Variants in GALNT17 observed in about 807,000 individuals in gnomAD.
GALNT17 encodes UDP-GalNAc:polypeptide N-acetylgalactosaminyltransferase-like 3.
A neutral mutation model predicts 63.7 loss-of-function variants in GALNT17; 29 were observed. The ratio of observed to expected loss-of-function variants is 0.46; its 90% CI spans 0.34 to 0.62. GALNT17 has a LOEUF of 0.62. Among genes scored for constraint, GALNT17 ranks in the 20% least tolerant of loss-of-function variants. The probability of loss-of-function intolerance (pLI) is 0.01; values close to 1 mark genes in which losing one functional copy is unlikely to be tolerated. For synonymous variants in GALNT17, 305 were observed against 318.3 expected (o/e 0.96, Z 0.45); for missense variants, 603 against 799.6 (o/e 0.75, Z 2.97).
intron 4 of GALNT17, among the ~76,000 whole-genome samples, chr7:71,416,551 G>T (rs780078563): frequency 3.2e-4 from 48 of 152,048 alleles, no homozygotes; most frequent in Non-Finnish European, 5.9e-4. Flanking sequence ...TGCCAAGGTT[G>T]CAGTGAGCCT....
intron 1 of GALNT17, among the ~76,000 whole-genome samples, chr7:71,153,868 A>G (rs572662682): frequency 6.6e-6 from 1 of 152,290 alleles, no homozygotes; most frequent in South Asian, 2.1e-4. Context: ...AGATGGTGCC[A>G]CTGCATTCCA....
chr7:71,202,396 A>T (rs927837192), intron 1 of GALNT17, among the ~76,000 whole-genome samples: 2 of 152,186 alleles, frequency 1.3e-5, no homozygotes, highest in Non-Finnish European at 2.9e-5. Context: ...TGAAGTCTGC[A>T]TTGTTTTAAT....
chr7:71,629,051 A>G (rs755995724), intron 6 of GALNT17, among the ~76,000 whole-genome samples: 6 of 152,212 alleles, frequency 3.9e-5, no homozygotes, highest in Non-Finnish European at 8.8e-5. Context: ...CTGAGGGTAG[A>G]GAAGCAGGGC....
chr7:71,408,987 T>TAC (rs1351402429), intron 3 of GALNT17, among the ~76,000 whole-genome samples: 76 of 148,660 alleles, frequency 5.1e-4, no homozygotes, highest in Middle Eastern at 3.6e-3. Context: ...TACATATATA[T>TAC]ACACACATAC....
chr7:71,196,108 C>T (rs1392559244), intron 1 of GALNT17, among the ~76,000 whole-genome samples: 1 of 152,038 alleles, frequency 6.6e-6, no homozygotes, highest in African/African-American at 2.4e-5. Context: ...TGTTCCCTCT[C>T]TTGCTGCTTT....
At chr7:71,388,174 C>A in intron 2 of GALNT17, 61 bp from the exon 3 acceptor site, 1 of 1,549,176 alleles carries the variant, frequency 6.5e-7, no homozygotes, top group Non-Finnish European at 8.8e-7. Context: ...CTATGTCCAG[C>A]TGCAGTGCCT....
At chr7:71,432,681 A>G (rs1470227361) in intron 5 of GALNT17, among the ~76,000 whole-genome samples, 1 of 152,108 alleles carries the variant, frequency 6.6e-6, no homozygotes, top group African/African-American at 2.4e-5. Flanking sequence ...AAAACAGAAG[A>G]AAGAGGTTGA....
intron 2 of GALNT17, among the ~76,000 whole-genome samples, chr7:71,351,584 A>C (rs1792189641): frequency 6.6e-6 from 1 of 152,086 alleles, no homozygotes; most frequent in African/African-American, 2.4e-5. Flanking sequence ...AAGTGAAGAC[A>C]GGCAGAGATT....
chr7:71,181,018 G>A (rs1425066846), intron 1 of GALNT17, among the ~76,000 whole-genome samples: 1 of 152,142 alleles, frequency 6.6e-6, no homozygotes, highest in African/African-American at 2.4e-5. Flanking sequence ...ACTTTGGGAG[G>A]CCGAGGCAGG....
At position 71,338,395 on chromosome 7, in the gene GALNT17, G is replaced by A. The variant is rs563614781; in HGVS notation, c.422+2662G>A. ...TATAAATTAGCCAGGTGTGGTGGTG[G>A]TGCATGCCTATATAGTCCCAGCTAC... On this transcript the variant is annotated intron_variant, in intron 2 of 10. Coordinates refer to ENST00000333538, the MANE Select transcript of GALNT17 (RefSeq NM_022479.3). Among the ~76,000 whole-genome samples, 111 of 151,554 alleles carry A rather than the reference G, an allele frequency of 7.3e-4. No individual in the cohort carries two copies. In the Middle Eastern group the frequency reaches 0.01, roughly 14 times the overall value.
intron 5 of GALNT17, among the ~76,000 whole-genome samples, chr7:71,467,190 T>C (rs1337822008): frequency 6.6e-6 from 1 of 152,222 alleles, no homozygotes; most frequent in Non-Finnish European, 1.5e-5. Context: ...TTTCAAGTTA[T>C]GCCTGGGAAC....
intron 8 of GALNT17, among the ~76,000 whole-genome samples, chr7:71,672,232 C>G (rs1416691810): frequency 6.6e-6 from 1 of 152,114 alleles, no homozygotes; most frequent in Non-Finnish European, 1.5e-5. Context: ...AATTGCCTAG[C>G]TTTTTGGAAA....
At chr7:71,402,648 G>A (rs1426980944) in intron 3 of GALNT17, among the ~76,000 whole-genome samples, 1 of 149,826 alleles carries the variant, frequency 6.7e-6, no homozygotes, top group East Asian at 1.9e-4. Flanking sequence ...TCAACATCTT[G>A]TCTCGGTTGG....
chr7:71,663,772 G>T (rs936331103), intron 6 of GALNT17, among the ~76,000 whole-genome samples: 4 of 152,188 alleles, frequency 2.6e-5, no homozygotes, highest in Non-Finnish European at 2.9e-5. Flanking sequence ...CAAGAAGGGG[G>T]TATGTAGACA....
rs767953809 is a variant in GALNT17 at position 71,669,956 on chromosome 7, TTCTC to T, written c.1267-11_1267-8del. 57 of 1,613,792 alleles carry T rather than the reference TTCTC, an allele frequency of 3.5e-5. No individual in the cohort carries two copies. Among genetic ancestry groups the T allele is most frequent in the Non-Finnish European group, 4.4e-5 (52 of 1,179,902 alleles). On this transcript the variant is annotated splice_polypyrimidine_tract_variant and intron_variant, in intron 7 of 10. Coordinates refer to ENST00000333538, the MANE Select transcript of GALNT17 (RefSeq NM_022479.3). The stretch of plus-strand genomic sequence containing the variant: ...TCCACAGTCACTAACACCCCTTGGC[TTCTC>T]TCTCCTTTCAGAATCCGGGAATTGA...
intron 2 of GALNT17, among the ~76,000 whole-genome samples, chr7:71,352,224 G>A (rs759849973): frequency 5.3e-5 from 8 of 152,110 alleles, no homozygotes; most frequent in East Asian, 3.9e-4. Context: ...CTCTCTTGCC[G>A]CTGCCATGTA....
At chr7:71,259,194 A>C (rs6962909) in intron 1 of GALNT17, among the ~76,000 whole-genome samples, 2 of 152,108 alleles carry the variant, frequency 1.3e-5, no homozygotes, top group African/African-American at 2.4e-5. Context: ...AGAGAATTCC[A>C]TACCCAGAAA....
At chr7:71,306,371 G>A (rs974962707) in intron 1 of GALNT17, among the ~76,000 whole-genome samples, 5 of 152,048 alleles carry the variant, frequency 3.3e-5, no homozygotes, top group Non-Finnish European at 7.4e-5. Flanking sequence ...CTGAAGCTCT[G>A]TACCCATTAA....
intron 1 of GALNT17, among the ~76,000 whole-genome samples, chr7:71,278,914 TTTCTTCTTC>T (rs533274811): frequency 6.6e-6 from 1 of 151,060 alleles, no homozygotes; most frequent in South Asian, 2.1e-4. Context: ...TTTTCCTCTT[TTTCTTCTTC>T]TTCTTCTTTT....
Sources: gnomAD v4.1 joint callset for allele counts (sites outside exome capture counted in the v4.1 genomes callset) on GRCh38, gnomAD v4.1.1 for gene constraint, MANE v1.5 for transcripts, NCBI Gene and HGNC (gene_info 2026-07-23, HGNC 2026-07-21) for gene names.